RIN2: variants seen among roughly 807,000 people sequenced by gnomAD.
RIN2 encodes RAB5 interacting protein 2.
RIN2 carries 36 observed loss-of-function variants against 78.0 expected under a neutral mutation model. The observed-to-expected ratio is 0.46, with a 90% CI of 0.35 to 0.61. RIN2 has a LOEUF of 0.61. RIN2 is among the 20% of genes least tolerant of loss of function. The probability of loss-of-function intolerance (pLI) is 0.00; values close to 1 mark genes in which losing one functional copy is unlikely to be tolerated. For synonymous variants in RIN2, 466 were observed against 466.8 expected (o/e 1.00, Z 0.02); for missense variants, 1,087 against 1,159.7 (o/e 0.94, Z 0.91).
chr20:19,771,140 A>T (rs1413812388), intron 1 of RIN2, among the ~76,000 whole-genome samples: 1 of 152,196 alleles, frequency 6.6e-6, no homozygotes, highest in African/African-American at 2.4e-5. Context: ...TGGAAGCTTC[A>T]TTACCTAGGT....
intron 1 of RIN2, among the ~76,000 whole-genome samples, chr20:19,792,335 C>T (rs568738977): frequency 8.5e-5 from 13 of 152,310 alleles, no homozygotes; most frequent in African/African-American, 3.1e-4. Flanking sequence ...ATATAACATG[C>T]TTTACCTTAA....
chr20:19,963,363 C>T (rs2041828135), intron 6 of RIN2, among the ~76,000 whole-genome samples: 1 of 151,978 alleles, frequency 6.6e-6, no homozygotes, highest in South Asian at 2.1e-4. Context: ...CCTGTAATCC[C>T]AGCACTTTGG....
chr20:19,763,697 G>A (rs6081741), intron 1 of RIN2, among the ~76,000 whole-genome samples: 99,212 of 152,062 alleles, frequency 0.65, 33,812 homozygotes, highest in East Asian at 0.77. Flanking sequence ...TGTGTGAGAT[G>A]TCTTATTCTG....
intron 1 of RIN2, among the ~76,000 whole-genome samples, chr20:19,782,995 T>A (rs1393485073): frequency 6.6e-6 from 1 of 152,148 alleles, no homozygotes; most frequent in African/African-American, 2.4e-5. Flanking sequence ...TTAAACCATT[T>A]CCATCTCTCT....
At chr20:19,883,416 A>G (rs1281782283) in intron 2 of RIN2, among the ~76,000 whole-genome samples, 1 of 146,894 alleles carries the variant, frequency 6.8e-6, no homozygotes, top group African/African-American at 2.5e-5. Context: ...AATGGCTCCC[A>G]GCACCTTTGA....
chr20:19,764,243 TG>T (rs1170753231), intron 1 of RIN2, among the ~76,000 whole-genome samples: 4 of 152,224 alleles, frequency 2.6e-5, no homozygotes, highest in Admixed American at 6.5e-5. Flanking sequence ...TCCCAAATAC[TG>T]AACTCCCCCA....
intron 3 of RIN2, chr20:19,934,524 A>C (rs2040558542): frequency 2.0e-6 from 2 of 985,168 alleles, no homozygotes; most frequent in South Asian, 9.4e-5. Flanking sequence ...CCCCAGCCTC[A>C]CTCAGTCCTT....
At chr20:19,764,614 T>A (rs1313940522) in intron 1 of RIN2, among the ~76,000 whole-genome samples, 2 of 152,268 alleles carry the variant, frequency 1.3e-5, no homozygotes, top group Non-Finnish European at 2.9e-5. Flanking sequence ...ATCAAATGTT[T>A]GTGCTTTTTC....
intron 1 of RIN2, among the ~76,000 whole-genome samples, chr20:19,791,253 A>T (rs981619698): frequency 7.0e-6 from 1 of 141,936 alleles, no homozygotes; most frequent in African/African-American, 3.0e-5. Context: ...TGTATTTCTA[A>T]AACTACTGGT....
chr20:19,844,862 C>A (rs556683876), intron 2 of RIN2, among the ~76,000 whole-genome samples: 30 of 152,074 alleles, frequency 2.0e-4, no homozygotes, highest in African/African-American at 7.2e-4. Flanking sequence ...TTAGGTATTT[C>A]TGCTAATGCT....
intron 2 of RIN2, among the ~76,000 whole-genome samples, chr20:19,883,660 T>A (rs2038093984): frequency 6.6e-6 from 1 of 152,126 alleles, no homozygotes. Context: ...GAGGACTTTC[T>A]AACCAGCAGA....
intron 9 of RIN2, among the ~76,000 whole-genome samples, chr20:19,983,107 A>G (rs2042512390): frequency 6.6e-6 from 1 of 152,224 alleles, no homozygotes; most frequent in African/African-American, 2.4e-5. Flanking sequence ...TTATGCACCC[A>G]TTTTAGTCAA....
chr20:19,975,730 T>C lies in RIN2; in HGVS notation c.1705T>C (p.Ser569Pro). The C allele has an allele frequency of 6.2e-7, 1 of 1,613,270 alleles. No individual in the cohort carries two copies. The highest frequency in any genetic ancestry group is 8.5e-7 in the Non-Finnish European group (1 of 1,179,750). ...QFMTQVKNYL[S>P]QSSELDPPIE... is the part of the protein sequence containing the mutation. Reference sequence around the variant, plus strand: ...CATGACCCAGGTCAAGAACTATTTGTCTCAGAGCTCGGAGCTGGACCCCCC... The same window carrying C: ...CATGACCCAGGTCAAGAACTATTTGCCTCAGAGCTCGGAGCTGGACCCCCC... The change falls in exon 9 of 13, where the codon TCT (serine) becomes CCT (proline). Residue 569 changes from serine to proline, a missense_variant. Ser to Pro is a moderately conservative substitution (Grantham distance 74). Coordinates refer to ENST00000255006, the MANE Select transcript of RIN2 (RefSeq NM_018993.4). This position sits in a 1 kb window ranked among gnomAD's most constrained non-coding sequence, Gnocchi z 4.9.
chr20:19,932,948 G>A (rs1196783515), intron 3 of RIN2, among the ~76,000 whole-genome samples: 5 of 151,970 alleles, frequency 3.3e-5, no homozygotes, highest in Non-Finnish European at 4.4e-5. Context: ...CAAACACTTC[G>A]GAGCCATCCT....
intron 2 of RIN2, 67 bp from the exon 3 acceptor site, chr20:19,889,499 T>A: frequency 7.1e-7 from 1 of 1,414,034 alleles, no homozygotes; most frequent in Non-Finnish European, 9.7e-7. Context: ...TTGTTGTGAG[T>A]GTTCTGTGGC....
At chr20:19,934,982 A>AT (rs1600857076) in intron 3 of RIN2, 117 bp from the exon 4 acceptor site, 2 of 639,508 alleles carry the variant, frequency 3.1e-6, no homozygotes, top group Non-Finnish European at 5.2e-6. Context: ...AAAAAAAAAA[A>AT]GAAATAGAAA....
rs761298383 is a variant in RIN2 at position 20,000,924 on chromosome 20, C to T, written c.2676C>T (p.Leu892=). The T allele has an allele frequency of 7.5e-6, 12 of 1,610,092 alleles. No individual in the cohort carries two copies. The highest frequency in any genetic ancestry group is 9.3e-6 in the Non-Finnish European group (11 of 1,178,136). Residue 892 remains leucine (L), a synonymous_variant, in exon 13 of 13, where the codon CTC becomes CTT. Transcript: ENST00000255006. ...TTTTCCAGAACGGGGAAGAAGACCT[C>T]ACCACCTCCTAGAAGACAGGCGGGA... ...GIIFQNGEED[L]TTS
intron 2 of RIN2, among the ~76,000 whole-genome samples, chr20:19,808,443 G>C (rs901224088): frequency 3.3e-5 from 5 of 152,220 alleles, no homozygotes; most frequent in African/African-American, 1.2e-4. Context: ...GGGCCTGTTG[G>C]GGCCTGGAGT....
chr20:19,761,417 G>A (rs1206646202), intron 1 of RIN2, among the ~76,000 whole-genome samples: 1 of 152,130 alleles, frequency 6.6e-6, no homozygotes, highest in Non-Finnish European at 1.5e-5. Flanking sequence ...TTTTATGGCA[G>A]GACTTTAAGG....
Sources: gnomAD v4.1 joint callset for allele counts (sites outside exome capture counted in the v4.1 genomes callset) on GRCh38, gnomAD v4.1.1 for gene constraint, Gnocchi (gnomAD v3.1) non-coding constraint, MANE v1.5 for transcripts, NCBI Gene and HGNC (gene_info 2026-07-23, HGNC 2026-07-21) for gene names.